Variants in WIF1 observed in about 807,000 individuals in gnomAD.
WIF1 encodes Wnt inhibitory factor 1.
In WIF1, 35 loss-of-function variants were observed where a neutral mutation model predicts 53.5. The observed-to-expected ratio is 0.65, with a 90% confidence interval of 0.50 to 0.87. WIF1 has a LOEUF of 0.87. Ranked by LOEUF, WIF1 falls within the 40% of genes least tolerant of loss-of-function variation. The pLI, the probability that WIF1 is intolerant of heterozygous loss-of-function variation, is 0.00. For missense variants in WIF1, 467 were observed against 476.8 expected, an observed-to-expected ratio of 0.98 and a Z score of 0.19; for synonymous variants, 171 against 170.4, an observed-to-expected ratio of 1.00 and a Z score of -0.03.
chr12:65,085,502 C>T (rs796879221), intron 2 of WIF1, among the ~76,000 whole-genome samples: 16 of 152,244 alleles, frequency 1.1e-4, no homozygotes, highest in African/African-American at 3.6e-4. Flanking sequence ...CAACCTATAT[C>T]AACAATGACT....
chr12:65,073,942 T>A (rs187207811), intron 3 of WIF1, among the ~76,000 whole-genome samples: 57 of 152,294 alleles, frequency 3.7e-4, no homozygotes, highest in African/African-American at 1.2e-3. Context: ...TGTGCACACA[T>A]GGGCATATGT....
Position 65,101,097 on chromosome 12 carries a change from ATGT to A in WIF1, c.288+19317_288+19319del, listed in dbSNP as rs200645720. ...GGGTGTGCTAATTTATGATGGAAAA[ATGT>A]AATGAACTTAAAACTCAGTCAGGAT... On this transcript the variant is annotated intron_variant, in intron 2 of 9. Transcript: ENST00000286574. Among the ~76,000 whole-genome samples the A allele has an allele frequency of 8.7e-3, 1,317 of 152,238 alleles. 23 individuals carry two copies. The highest frequency in any genetic ancestry group is 0.029 in the African/African-American group (1,221 of 41,538).
At chr12:65,062,963 G>A (rs1882636203) in intron 6 of WIF1, among the ~76,000 whole-genome samples, 1 of 152,080 alleles carries the variant, frequency 6.6e-6, no homozygotes, top group Admixed American at 6.6e-5. Flanking sequence ...AAAAGGAGAA[G>A]ACTTACTTTG....
In WIF1 at chr12:65,051,140, G is replaced by C. The variant is rs1328815644; in HGVS notation, c.*209C>G. 1.9e-6 allele frequency: 1 copy of C among 517,700 alleles called. No individual in the cohort carries two copies. The highest frequency in any genetic ancestry group is 3.0e-6 in the Non-Finnish European group (1 of 329,554). The allele number at this position is 517,700 out of a possible 1,614,324, so 32.1% of individuals were successfully genotyped here. A position where few individuals can be genotyped will look rare whatever the true frequency, so the allele number is the denominator to read the frequency against. ...AATATAAAATCTGTCCCAAAGCACT[G>C]AAACAAGAAAATCTATACCATCATG... On this transcript the variant is annotated 3_prime_UTR_variant, in exon 10 of 10. Transcript: ENST00000286574.
At chr12:65,071,884 C>A (rs1882778986) in intron 3 of WIF1, among the ~76,000 whole-genome samples, 2 of 151,980 alleles carry the variant, frequency 1.3e-5, no homozygotes, top group South Asian at 2.1e-4. Flanking sequence ...TGAGCCAGAT[C>A]AACAATTAAT....
At chr12:65,087,669 G>A (rs1883061231) in intron 2 of WIF1, among the ~76,000 whole-genome samples, 1 of 151,924 alleles carries the variant, frequency 6.6e-6, no homozygotes, top group African/African-American at 2.4e-5. Flanking sequence ...TTAGCTTAAT[G>A]TTTTGAAAAA....
intron 2 of WIF1, among the ~76,000 whole-genome samples, chr12:65,089,217 T>C (rs1173622933): frequency 6.6e-6 from 1 of 152,186 alleles, no homozygotes; most frequent in East Asian, 1.9e-4. Context: ...TCATTTGTAT[T>C]CCTTAGGAAA....
At chr12:65,076,757 A>G (rs1251668502) in intron 3 of WIF1, among the ~76,000 whole-genome samples, 1 of 152,194 alleles carries the variant, frequency 6.6e-6, no homozygotes, top group Non-Finnish European at 1.5e-5. Flanking sequence ...AAACTCTAAA[A>G]ACAACATAAT....
At chr12:65,062,868 A>G (rs1488026967) in intron 6 of WIF1, among the ~76,000 whole-genome samples, 4 of 152,150 alleles carry the variant, frequency 2.6e-5, no homozygotes, top group African/African-American at 7.2e-5. Flanking sequence ...TTTCTTATAC[A>G]TAGCTATGCC....
chr12:65,083,343 A>G (rs1223684274), intron 2 of WIF1, among the ~76,000 whole-genome samples: 3 of 152,164 alleles, frequency 2.0e-5, no homozygotes, highest in African/African-American at 7.2e-5. Context: ...AATAATCTGA[A>G]TATCTAGAGC....
chr12:65,071,091 C>T lies in WIF1; in HGVS notation c.398-2187G>A, dbSNP rs549233780. Among the ~76,000 whole-genome samples, 15 of 151,500 alleles carry T rather than the reference C, an allele frequency of 9.9e-5. No homozygotes were observed. In the South Asian group the frequency reaches 1.0e-3, roughly 11 times the overall value. Reference sequence around the variant, plus strand: ...GTCTACTAAAAGCAAAAAAATTAGCCGGTGTGTTGGCATATATCCATAATC... The same window carrying T: ...GTCTACTAAAAGCAAAAAAATTAGCTGGTGTGTTGGCATATATCCATAATC... On this transcript the variant is annotated intron_variant, in intron 3 of 9. Coordinates refer to ENST00000286574, the MANE Select transcript of WIF1 (RefSeq NM_007191.5).
chr12:65,066,132 G>C (rs1307243177), intron 6 of WIF1, among the ~76,000 whole-genome samples: 1 of 152,164 alleles, frequency 6.6e-6, no homozygotes, highest in African/African-American at 2.4e-5. Context: ...TGTAATATGA[G>C]ATGTCAGTGG....
At chr12:65,054,533 T>C (rs1882494722) in intron 9 of WIF1, among the ~76,000 whole-genome samples, 1 of 152,202 alleles carries the variant, frequency 6.6e-6, no homozygotes, top group Non-Finnish European at 1.5e-5. Flanking sequence ...TCATTTTTGG[T>C]AGTAAATTTT....
intron 7 of WIF1, among the ~76,000 whole-genome samples, chr12:65,056,686 T>G (rs916452302): frequency 3.9e-5 from 6 of 152,024 alleles, no homozygotes; most frequent in African/African-American, 1.4e-4. Context: ...ATCTTGCTAT[T>G]TTGCCCAGGC....
At chr12:65,100,689 A>AAT (rs755818586) in intron 2 of WIF1, among the ~76,000 whole-genome samples, 24 of 151,856 alleles carry the variant, frequency 1.6e-4, no homozygotes, top group East Asian at 5.8e-4. Context: ...TGTAATAGTA[A>AAT]ATATATATAT....
intron 3 of WIF1, among the ~76,000 whole-genome samples, chr12:65,075,408 G>C (rs1398370084): frequency 6.6e-6 from 1 of 152,158 alleles, no homozygotes. Flanking sequence ...CGTTCCTCTA[G>C]AAGAATAAGA....
At chr12:65,077,688 T>C (rs113549787) in intron 3 of WIF1, 58 bp downstream of exon 3, 3 of 1,261,942 alleles carry the variant, frequency 2.4e-6, no homozygotes, top group African/African-American at 3.0e-5. Flanking sequence ...GCATCTTAAA[T>C]ATTCTTATCA....
chr12:65,082,457 A>C (rs1882964048), intron 2 of WIF1, among the ~76,000 whole-genome samples: 1 of 152,164 alleles, frequency 6.6e-6, no homozygotes, highest in Non-Finnish European at 1.5e-5. Context: ...GAAACACATG[A>C]AAAGGTTGCT....
intron 2 of WIF1, among the ~76,000 whole-genome samples, chr12:65,093,444 C>A (rs1883154707): frequency 6.6e-6 from 1 of 152,130 alleles, no homozygotes; most frequent in African/African-American, 2.4e-5. Flanking sequence ...TCCTTCATTA[C>A]TTTTTACTTA....
Sources: allele counts gnomAD v4.1 joint callset (sites outside exome capture counted in the v4.1 genomes callset), GRCh38; gene constraint gnomAD v4.1.1; transcripts MANE v1.5; gene names NCBI Gene and HGNC (gene_info 2026-07-23, HGNC 2026-07-21).